The following CDYL2 variants were observed in gnomAD, a reference collection of about 807,000 sequenced individuals.
The protein encoded by CDYL2 is chromodomain Y like 2.
CDYL2 carries 23 observed loss-of-function variants against 49.4 expected under a neutral mutation model. The ratio of observed to expected loss-of-function variants is 0.47; its 90% CI spans 0.34 to 0.66. The LOEUF (loss-of-function observed/expected upper bound fraction) is 0.66, where lower values mean the gene tolerates loss of function less well. Ranked by LOEUF, CDYL2 falls within the 30% of genes least tolerant of loss-of-function variation. CDYL2 has a pLI of 0.01. For synonymous variants in CDYL2, 360 were observed against 268.8 expected (o/e 1.34, Z -3.32); for missense variants, 678 against 656.4 (o/e 1.03, Z -0.36).
rs769794391 is a variant in CDYL2 at position 80,612,589 on chromosome 16, T to G, written c.1218+37A>C. On this transcript the variant is annotated intron_variant, in intron 5 of 6. Transcript: ENST00000570137. This position sits in a 1 kb window ranked among gnomAD's most constrained non-coding sequence, Gnocchi z 5.0. Reference sequence around the variant, plus strand: ...TAAACCCAAGGCAGAGGAAGGATCCTGCTGGGACCCGAATCCAGGTATCAC... The same window carrying G: ...TAAACCCAAGGCAGAGGAAGGATCCGGCTGGGACCCGAATCCAGGTATCAC... The G allele has an allele frequency of 6.4e-7, 1 of 1,558,856 alleles. No homozygotes were observed. The highest frequency in any genetic ancestry group is 1.2e-5 in the South Asian group (1 of 82,446).
chr16:80,787,466 G>C (rs1257245020), intron 1 of CDYL2, among the ~76,000 whole-genome samples: 1 of 152,166 alleles, frequency 6.6e-6, no homozygotes, highest in Admixed American at 6.5e-5. Flanking sequence ...TACATACACT[G>C]GGTGAGAAAT....
rs796075592 is a variant in CDYL2, at chr16:80,787,071, A to T, written c.24+17079T>A. ...TAACCCAGAACCTAAAGTACAATTT[A>T]AAAAAAAAAGACGAAGAAGAAGAAA... On this transcript the variant is annotated intron_variant, in intron 1 of 6. Coordinates refer to ENST00000570137, the MANE Select transcript of CDYL2 (RefSeq NM_152342.4). Among the ~76,000 whole-genome samples, 13 of 149,424 alleles carry T rather than the reference A, an allele frequency of 8.7e-5. No individual in the cohort carries two copies. The East Asian group carries it at 1.6e-3, about 18-fold the overall frequency.
chr16:80,705,012 G>T (rs983785302), intron 1 of CDYL2, among the ~76,000 whole-genome samples: 1 of 152,192 alleles, frequency 6.6e-6, no homozygotes, highest in African/African-American at 2.4e-5. Flanking sequence ...ACCTCACTAG[G>T]TGAGTTCCTC....
chr16:80,740,282 C>A (rs749363786), intron 1 of CDYL2, among the ~76,000 whole-genome samples: 1 of 152,164 alleles, frequency 6.6e-6, no homozygotes. Flanking sequence ...CATGATCCTA[C>A]TGAGATATAT....
chr16:80,599,818 G>C lies in CDYL2; in HGVS notation c.*4570C>G, dbSNP rs1906000279. Reference sequence around the variant, plus strand: ...TGACCGTGTCTAAACCATGTTTACAGTATGAAGGTGTCTCTGGAAAACCTA... The same window carrying C: ...TGACCGTGTCTAAACCATGTTTACACTATGAAGGTGTCTCTGGAAAACCTA... On this transcript the variant is annotated 3_prime_UTR_variant, in exon 7 of 7. Coordinates refer to ENST00000570137, the MANE Select transcript of CDYL2 (RefSeq NM_152342.4). The C allele has an allele frequency of 6.6e-6, 1 of 152,178 alleles. No individual in the cohort carries two copies. Among genetic ancestry groups the C allele is most frequent in the African/African-American group, 2.4e-5 (1 of 41,426 alleles). 9.4% of individuals were successfully genotyped at this position (152,178 alleles called of 1,614,324 possible). A position where few individuals can be genotyped will look rare whatever the true frequency, so the allele number is the denominator to read the frequency against.
At chr16:80,769,700 C>G (rs148403070) in intron 1 of CDYL2, among the ~76,000 whole-genome samples, 1,783 of 152,276 alleles carry the variant, frequency 0.012, 37 homozygotes, top group African/African-American at 0.04. Flanking sequence ...AATCTCAGTT[C>G]AACTCCCAAC....
At chr16:80,681,514 G>A (rs1019101165) in intron 2 of CDYL2, among the ~76,000 whole-genome samples, 8 of 152,156 alleles carry the variant, frequency 5.3e-5, no homozygotes, top group Non-Finnish European at 1.2e-4. Flanking sequence ...CCCCTGTCTT[G>A]GGTCTTGTCC....
chr16:80,636,024 AAATTGG>A (rs1907807038), intron 2 of CDYL2, among the ~76,000 whole-genome samples: 1 of 152,260 alleles, frequency 6.6e-6, no homozygotes, highest in South Asian at 2.1e-4. Context: ...CAGAAAACTG[AAATTGG>A]ACCCCTTTCT....
intron 2 of CDYL2, among the ~76,000 whole-genome samples, chr16:80,677,746 T>A (rs9673856): frequency 0.5 from 72,475 of 144,356 alleles, 19,029 homozygotes; most frequent in Middle Eastern, 0.65. Context: ...CTCAAAAAAA[T>A]AAAAATAAAA....
At chr16:80,718,263 T>G (rs1376446711) in intron 1 of CDYL2, among the ~76,000 whole-genome samples, 1 of 152,224 alleles carries the variant, frequency 6.6e-6, no homozygotes. Context: ...AATATTAATC[T>G]AAAATCTTCA....
At chr16:80,736,947 G>C (rs1371997668) in intron 1 of CDYL2, among the ~76,000 whole-genome samples, 17 of 152,142 alleles carry the variant, frequency 1.1e-4, no homozygotes. Context: ...TGGAGCCCTG[G>C]AAATTTATAT....
In CDYL2 at chr16:80,608,084, G is replaced by A. The variant is rs771653331; in HGVS notation, c.1362+8C>T. On this transcript the variant is annotated splice_region_variant and intron_variant, in intron 6 of 6. Transcript: ENST00000570137. ...AAGGACAAGCACGCAGGAGGCGCAGGAACTCACCACGGCACTGCAGGATGC... is the reference window on the plus strand; with the variant it reads ...AAGGACAAGCACGCAGGAGGCGCAGAAACTCACCACGGCACTGCAGGATGC... 8.3e-6 allele frequency: 13 copies of A among 1,567,948 alleles called. No homozygotes were observed. Among genetic ancestry groups the A allele is most frequent in the Non-Finnish European group, 1.1e-5 (13 of 1,155,332 alleles).
At chr16:80,803,423 C>T (rs909230823) in intron 1 of CDYL2, among the ~76,000 whole-genome samples, 3 of 152,174 alleles carry the variant, frequency 2.0e-5, no homozygotes, top group African/African-American at 7.2e-5. Context: ...CCACCCAGGG[C>T]CCTCCGCAGC....
At chr16:80,691,038 T>C (rs1910394617) in intron 1 of CDYL2, among the ~76,000 whole-genome samples, 1 of 151,870 alleles carries the variant, frequency 6.6e-6, no homozygotes, top group Admixed American at 6.6e-5. Flanking sequence ...TCTTGGTCTC[T>C]GGGAGCAAAA....
intron 1 of CDYL2, among the ~76,000 whole-genome samples, chr16:80,803,503 C>T (rs987169662): frequency 2.0e-5 from 3 of 152,036 alleles, no homozygotes; most frequent in East Asian, 1.9e-4. Context: ...GGAGGGCGTC[C>T]GAGCTGGTGC....
rs564887492 is a variant in CDYL2 at position 80,633,149 on chromosome 16, C to T, written c.704G>A (p.Arg235Lys). The part of the protein sequence containing the change: ...EAEKDYVFDK[R>K]LRYSVRQNES... Reference sequence around the variant, plus strand: ...ATTCTGGCGGACACTGTATCTGAGCCTTTTGTCAAAGACGTAGTCCTTCTC... The same window carrying T: ...ATTCTGGCGGACACTGTATCTGAGCTTTTTGTCAAAGACGTAGTCCTTCTC... The change falls in exon 3 of 7, where the codon AGG becomes AAG. Residue 235 changes from arginine to lysine, a missense_variant. By Grantham distance (26) the Arg-to-Lys change is conservative (BLOSUM62 2). Transcript: ENST00000570137. 1 of 1,614,226 alleles carries T rather than the reference C, an allele frequency of 6.2e-7. No individual in the cohort carries two copies. The highest frequency in any genetic ancestry group is 1.1e-5 in the South Asian group (1 of 91,088).
rs1312864774 is a variant in CDYL2, at chr16:80,612,062, G to A, written c.1218+564C>T. The stretch of plus-strand genomic sequence containing the variant: ...TCTTGCTGGACATGCGCTGGGCTGC[G>A]TCTCCCGGCCTCCCTTGCAGGCGCA... On this transcript the variant is annotated intron_variant, in intron 5 of 6. Coordinates refer to ENST00000570137, the MANE Select transcript of CDYL2 (RefSeq NM_152342.4). The surrounding 1 kb of genome is among the most constrained non-coding windows in gnomAD (Gnocchi z 5.0). 1.3e-5 allele frequency among the ~76,000 whole-genome samples: 2 copies of A among 152,328 alleles called. No individual in the cohort carries two copies. The highest frequency in any genetic ancestry group is 1.9e-4 in the East Asian group (1 of 5,174).
At chr16:80,710,664 A>G (rs1171820587) in intron 1 of CDYL2, among the ~76,000 whole-genome samples, 5 of 152,348 alleles carry the variant, frequency 3.3e-5, no homozygotes, top group Non-Finnish European at 5.9e-5. Flanking sequence ...TAATGATTTT[A>G]GTTGTATTGT....
intron 1 of CDYL2, among the ~76,000 whole-genome samples, chr16:80,745,880 G>A (rs1386308143): frequency 6.6e-6 from 1 of 152,196 alleles, no homozygotes; most frequent in East Asian, 1.9e-4. Flanking sequence ...AAGGGCAGGG[G>A]GTACCAGTGA....
Sources: gnomAD v4.1 joint callset for allele counts (sites outside exome capture counted in the v4.1 genomes callset) on GRCh38, gnomAD v4.1.1 for gene constraint, Gnocchi (gnomAD v3.1) non-coding constraint, MANE v1.5 for transcripts, NCBI Gene and HGNC (gene_info 2026-07-23, HGNC 2026-07-21) for gene names.